ARHGAP23: variants seen among roughly 807,000 people sequenced by gnomAD.
ARHGAP23 encodes the protein Rho GTPase activating protein 23.
A neutral mutation model predicts 136.3 loss-of-function variants in ARHGAP23; 34 were observed. The observed-to-expected ratio is 0.25, with a 90% CI of 0.19 to 0.33. The LOEUF is 0.33. Ranked by LOEUF, ARHGAP23 falls within the 10% of genes least tolerant of loss-of-function variation. The pLI is 1.00. For missense variants in ARHGAP23, 1,808 were observed against 2,139.0 expected, an observed-to-expected ratio of 0.85 and a Z score of 3.05; for synonymous variants, 832 against 920.5, an observed-to-expected ratio of 0.90 and a Z score of 1.74.
intron 1 of ARHGAP23, among the ~76,000 whole-genome samples, chr17:38,440,085 G>A (rs1405861128): frequency 1.3e-5 from 2 of 151,838 alleles, no homozygotes; most frequent in Non-Finnish European, 2.9e-5. Context: ...GCAATGGCGT[G>A]ATCTCTGCTC....
chr17:38,459,075 G>A (rs895621384), intron 2 of ARHGAP23, among the ~76,000 whole-genome samples: 2 of 152,136 alleles, frequency 1.3e-5, no homozygotes, highest in Non-Finnish European at 1.5e-5. Context: ...CAAAGCCCCC[G>A]ACTAGGGCTC....
Position 38,510,934 on chromosome 17 carries a change from C to A in ARHGAP23, c.4438C>A (p.Arg1480Ser). ...DTGSLQSQPP[R>S]RSAASRLHQC... ...GGGGTCCCTGCAGAGCCAGCCCCCGCGCCGCTCGGCCGCCTCCCGCCTGCA... is the reference window on the plus strand; with the variant it reads ...GGGGTCCCTGCAGAGCCAGCCCCCGAGCCGCTCGGCCGCCTCCCGCCTGCA... The change falls in exon 24 of 24, where the codon CGC becomes AGC. Residue 1480 changes from arginine (R) to serine (S), a missense_variant. By Grantham distance (110) the Arg-to-Ser change is moderately radical. This residue lies in a region of ARHGAP23 where 506 missense variants were observed against 455.8 expected (regional missense o/e 1.11). Transcript: ENST00000622683. The surrounding 1 kb of genome is among the most constrained non-coding windows in gnomAD (Gnocchi z 4.6). The A allele has an allele frequency of 6.8e-7, 1 of 1,469,202 alleles. No individual in the cohort carries two copies. Among genetic ancestry groups the A allele is most frequent in the Middle Eastern group, 2.4e-4 (1 of 4,122 alleles). The allele number at this position is 1,469,202 out of a possible 1,614,324, so 91.0% of individuals were successfully genotyped here.
intron 11 of ARHGAP23, among the ~76,000 whole-genome samples, chr17:38,476,622 G>C (rs1303746222): frequency 6.6e-6 from 1 of 152,222 alleles, no homozygotes; most frequent in Admixed American, 6.5e-5. Context: ...CTAGTTTAAA[G>C]GCACGGCAGA....
chr17:38,473,103 A>ATTTTTTTT (rs59594005), intron 11 of ARHGAP23, among the ~76,000 whole-genome samples: 3 of 129,964 alleles, frequency 2.3e-5, no homozygotes, highest in Non-Finnish European at 1.6e-5. Flanking sequence ...AACCCGGCTA[A>ATTTTTTTT]TTTTTTTTTT....
intron 22 of ARHGAP23, 98 bp from the exon 23 acceptor site, chr17:38,500,499 T>A (rs2040496185): frequency 9.1e-7 from 1 of 1,103,086 alleles, no homozygotes; most frequent in African/African-American, 1.6e-5. Flanking sequence ...AATTCCCTGG[T>A]TTCTGAAGCC....
chr17:38,464,373 C>T (rs2039533060), intron 6 of ARHGAP23, among the ~76,000 whole-genome samples: 1 of 152,346 alleles, frequency 6.6e-6, no homozygotes, highest in African/African-American at 2.4e-5. Flanking sequence ...CAGTGCCCAC[C>T]TCCCTGGTCT....
At chr17:38,444,571 C>T (rs896703728) in intron 1 of ARHGAP23, among the ~76,000 whole-genome samples, 1 of 152,168 alleles carries the variant, frequency 6.6e-6, no homozygotes, top group African/African-American at 2.4e-5. Flanking sequence ...ATGGCAGCCT[C>T]TGTGGATGGC....
rs540654475 is a variant in ARHGAP23, at chr17:38,438,054, G to T, written c.63+9506G>T. On this transcript the variant is annotated intron_variant, in intron 1 of 23. Coordinates refer to ENST00000622683, the MANE Select transcript of ARHGAP23 (RefSeq NM_001199417.2). ...GATGTTTGCTAGGGCCAGGCACGGT[G>T]GCTCACGCCTGTCATCCCAGCACTT... Among the ~76,000 whole-genome samples, 4 of 152,320 alleles carry T rather than the reference G, an allele frequency of 2.6e-5. No individual in the cohort carries two copies. In the East Asian group the frequency reaches 7.7e-4, roughly 29 times the overall value.
Position 38,466,794 on chromosome 17 carries a change from GTGTCACCC to G in ARHGAP23, c.1112_1119del (p.Val371AlafsTer3). The G allele has an allele frequency of 6.5e-7, 1 of 1,549,336 alleles. No individual in the cohort carries two copies. On this transcript the variant is annotated frameshift_variant, in exon 7 of 24. Transcript: ENST00000622683. LOFTEE classifies it high-confidence loss of function. ...CGAGGCACTGGGGCCAGGGGCACTG[GTGTCACCC>G]CGCTTTGAGCGGTGTGGCTGGGCTT...
intron 10 of ARHGAP23, among the ~76,000 whole-genome samples, chr17:38,471,197 C>T (rs1324433047): frequency 6.6e-6 from 1 of 152,202 alleles, no homozygotes; most frequent in African/African-American, 2.4e-5. Context: ...AAGTGATCCA[C>T]CTGTCTCAGC....
chr17:38,501,930 G>C (rs1249599625), intron 23 of ARHGAP23, among the ~76,000 whole-genome samples: 1 of 150,790 alleles, frequency 6.6e-6, no homozygotes, highest in Non-Finnish European at 1.5e-5. Flanking sequence ...TATTTAAATA[G>C]TTATTTAAAT....
At position 38,462,409 on chromosome 17, in the gene ARHGAP23, C is replaced by G. The variant is rs189558688; in HGVS notation, c.254-437C>G. 1.5e-3 allele frequency among the ~76,000 whole-genome samples: 233 copies of G among 151,976 alleles called. 2 individuals are homozygous for G. The highest frequency in any genetic ancestry group is 5.1e-3 in the African/African-American group (210 of 41,438). On this transcript the variant is annotated intron_variant, in intron 3 of 23. Transcript: ENST00000622683. ...GCTGGGATTACAGGCATGCGTGCCA[C>G]CACACACAGCTAATTTTTGTATTTT...
At position 38,467,180 on chromosome 17, in the gene ARHGAP23, C is replaced by T; in HGVS notation, c.1497C>T (p.Arg499=). 6.5e-7 allele frequency: 1 copy of T among 1,550,296 alleles called. No homozygotes were observed. Among genetic ancestry groups the T allele is most frequent in the East Asian group, 2.4e-5 (1 of 40,898 alleles). ...VVLRQKPPTG[R]KVQLTPARQM... ...TGAGGCAGAAGCCCCCGACGGGCCG[C>T]AAGGTTCAGCTGACCCCCGCAAGAC... The change falls in exon 7 of 24, where the codon CGC becomes CGT. Residue 499 remains arginine, a synonymous_variant. Coordinates refer to ENST00000622683, the MANE Select transcript of ARHGAP23 (RefSeq NM_001199417.2).
At chr17:38,439,803 C>G (rs1026611596) in intron 1 of ARHGAP23, among the ~76,000 whole-genome samples, 1 of 150,038 alleles carries the variant, frequency 6.7e-6, no homozygotes, top group Non-Finnish European at 1.5e-5. Flanking sequence ...GAGACCAAGT[C>G]TTGCTCTGTC....
At chr17:38,473,911 A>ATTATT (rs971652672) in intron 11 of ARHGAP23, among the ~76,000 whole-genome samples, 3 of 151,948 alleles carry the variant, frequency 2.0e-5, no homozygotes, top group Non-Finnish European at 2.9e-5. Context: ...CCAGGGTTTT[A>ATTATT]TTATTTTATT....
chr17:38,439,757 C>T (rs1378579312), intron 1 of ARHGAP23, among the ~76,000 whole-genome samples: 1 of 151,736 alleles, frequency 6.6e-6, no homozygotes, highest in Non-Finnish European at 1.5e-5. Flanking sequence ...ATCCAGCTTC[C>T]TCTGAATCCT....
At chr17:38,434,915 A>G (rs1036823954) in intron 1 of ARHGAP23, among the ~76,000 whole-genome samples, 13 of 152,212 alleles carry the variant, frequency 8.5e-5, no homozygotes, top group South Asian at 6.2e-4. Context: ...GAAGGCTGGA[A>G]GGAGAGGCTG....
chr17:38,507,537 A>T (rs1804485858), intron 23 of ARHGAP23, among the ~76,000 whole-genome samples: 1 of 151,916 alleles, frequency 6.6e-6, no homozygotes, highest in African/African-American at 2.4e-5. Context: ...GAATCTGCTG[A>T]CCTCTGCATT....
rs1053980999 is a variant in ARHGAP23 at position 38,467,200 on chromosome 17, C to T, written c.1517C>T (p.Ala506Val). The T allele has an allele frequency of 6.4e-7, 1 of 1,550,764 alleles. No homozygotes were observed. The highest frequency in any genetic ancestry group is 1.4e-5 in the African/African-American group (1 of 73,068). The change falls in exon 7 of 24, where the codon GCA becomes GTA. Residue 506 changes from alanine to valine, a missense_variant. By Grantham distance (64) the Ala-to-Val change is moderately conservative (BLOSUM62 0). Transcript: ENST00000622683. Reference sequence around the variant, plus strand: ...GGCCGCAAGGTTCAGCTGACCCCCGCAAGACAGATGAACCTTGGATTTGGT... The same window carrying T: ...GGCCGCAAGGTTCAGCTGACCCCCGTAAGACAGATGAACCTTGGATTTGGT... ...PTGRKVQLTP[A>V]RQMNLGFGDE...
Sources: gnomAD v4.1 joint callset for allele counts (sites outside exome capture counted in the v4.1 genomes callset) on GRCh38, gnomAD v4.1.1 for gene constraint, gnomAD v4.1.1 regional missense constraint, Gnocchi (gnomAD v3.1) non-coding constraint, MANE v1.5 for transcripts, NCBI Gene and HGNC (gene_info 2026-07-23, HGNC 2026-07-21) for gene names.